Variants in RELN observed in about 807,000 individuals in gnomAD.
RELN encodes reelin.
In RELN, 108 loss-of-function variants were observed where a neutral mutation model predicts 427.6. That is an observed-to-expected ratio of 0.25 (90% confidence interval 0.22 to 0.30). RELN has a LOEUF of 0.30. Ranked by LOEUF, RELN falls within the 10% of genes least tolerant of loss-of-function variation. RELN has a pLI of 1.00. For synonymous variants in RELN, 1,524 were observed against 1,513.4 expected, an observed-to-expected ratio of 1.01 and a Z score of -0.16; for missense variants, 3,715 against 4,302.8, an observed-to-expected ratio of 0.86 and a Z score of 3.82.
rs1288621733 is a variant in RELN at position 103,495,795 on chromosome 7, C to T, written c.9297G>A (p.Lys3099=). The T allele has an allele frequency of 6.2e-7, 1 of 1,613,830 alleles. No individual in the cohort carries two copies. The highest frequency in any genetic ancestry group is 8.5e-7 in the Non-Finnish European group (1 of 1,179,958). ...AGAGAGCATTGTGAGTCTTGTCCTTCTTTTTATTTGGCCAATAGAGGTGAA... is the reference window on the plus strand; with the variant it reads ...AGAGAGCATTGTGAGTCTTGTCCTTTTTTTTATTTGGCCAATAGAGGTGAA... ...PSFHLYWPNK[K]KDKTHNALSS... The change falls in exon 57 of 65, where the codon AAG becomes AAA. Residue 3099 remains lysine, a synonymous_variant. Coordinates refer to ENST00000428762, the MANE Select transcript of RELN (RefSeq NM_005045.4).
At chr7:103,947,824 C>T (rs1341307221) in intron 1 of RELN, among the ~76,000 whole-genome samples, 1 of 152,132 alleles carries the variant, frequency 6.6e-6, no homozygotes. Context: ...TTAAATATTA[C>T]CCCTTACAAT....
rs190735898 is a variant in RELN, at chr7:103,884,018, C to G, written c.337+33057G>C. ...AGCAATGCTGGAGGTATGATACTACCTAACTTCAAAGTATACTACAGGGCT... is the reference window on the plus strand; with the variant it reads ...AGCAATGCTGGAGGTATGATACTACGTAACTTCAAAGTATACTACAGGGCT... On this transcript the variant is annotated intron_variant, in intron 2 of 64. Transcript: ENST00000428762. Among the ~76,000 whole-genome samples, 256 of 152,216 alleles carry G rather than the reference C, an allele frequency of 1.7e-3. 4 individuals are homozygous for G. The highest frequency in any genetic ancestry group is 0.01 in the Middle Eastern group (3 of 294).
At chr7:103,744,389 C>G (rs1168385501) in intron 6 of RELN, among the ~76,000 whole-genome samples, 1 of 151,862 alleles carries the variant, frequency 6.6e-6, no homozygotes, top group Non-Finnish European at 1.5e-5. Flanking sequence ...CAAAAGCTAG[C>G]AGAAGGCAAG....
intron 3 of RELN, among the ~76,000 whole-genome samples, chr7:103,815,350 C>T (rs1157951562): frequency 1.3e-5 from 2 of 152,112 alleles, no homozygotes; most frequent in African/African-American, 4.8e-5. Flanking sequence ...AATCTTTGCT[C>T]ACTGATGAGG....
At chr7:103,510,547 G>A (rs189361142) in intron 51 of RELN, among the ~76,000 whole-genome samples, 1 of 152,172 alleles carries the variant, frequency 6.6e-6, no homozygotes, top group Non-Finnish European at 1.5e-5. Flanking sequence ...GGTTTGATGG[G>A]TGCAGCAAAC....
chr7:103,777,925 T>C (rs1162919083), intron 3 of RELN, among the ~76,000 whole-genome samples: 2 of 88,556 alleles, frequency 2.3e-5, no homozygotes, highest in Non-Finnish European at 4.9e-5. Flanking sequence ...AATGGCACAA[T>C]AGTGAGAGTT....
intron 2 of RELN, among the ~76,000 whole-genome samples, chr7:103,848,361 A>G (rs779513294): frequency 6.6e-6 from 1 of 152,220 alleles, no homozygotes; most frequent in Non-Finnish European, 1.5e-5. Context: ...AGCACAGAAT[A>G]TAACCTAATT....
At position 103,867,309 on chromosome 7, in the gene RELN, A is replaced by G. The variant is rs528553553; in HGVS notation, c.338-33637T>C. Among the ~76,000 whole-genome samples the G allele has an allele frequency of 1.3e-4, 20 of 152,126 alleles. 1 individual carries two copies. The South Asian group carries it at 4.2e-3, about 32-fold the overall frequency. On this transcript the variant is annotated intron_variant, in intron 2 of 64. Coordinates refer to ENST00000428762, the MANE Select transcript of RELN (RefSeq NM_005045.4). Reference sequence around the variant, plus strand: ...ATAAACCAGACCATTTATATTTCCCAGTTTGATAATAGTTCCCCAAAATGT... The same window carrying G: ...ATAAACCAGACCATTTATATTTCCCGGTTTGATAATAGTTCCCCAAAATGT...
intron 34 of RELN, among the ~76,000 whole-genome samples, chr7:103,564,905 T>G (rs943434087): frequency 6.6e-6 from 1 of 152,094 alleles, no homozygotes; most frequent in Non-Finnish European, 1.5e-5. Flanking sequence ...TTGTTCATAC[T>G]GTGGTACTGA....
At chr7:103,610,574 C>T (rs1313384395) in intron 22 of RELN, 121 bp downstream of exon 22, 2 of 704,528 alleles carry the variant, frequency 2.8e-6, no homozygotes, top group African/African-American at 1.7e-5. Flanking sequence ...GAATAAACAT[C>T]ATGCTATTGT....
chr7:103,825,258 A>G (rs1451173778), intron 3 of RELN, among the ~76,000 whole-genome samples: 3 of 152,036 alleles, frequency 2.0e-5, no homozygotes, highest in Non-Finnish European at 4.4e-5. Context: ...AGCAAGGGGA[A>G]AGCAGGGACT....
At chr7:103,947,063 G>A (rs896179865) in intron 1 of RELN, among the ~76,000 whole-genome samples, 1 of 152,118 alleles carries the variant, frequency 6.6e-6, no homozygotes, top group Non-Finnish European at 1.5e-5. Context: ...CACCCATTCC[G>A]AGTCCTCTCA....
At chr7:103,920,578 T>G (rs12333364) in intron 1 of RELN, among the ~76,000 whole-genome samples, 4 of 106,662 alleles carry the variant, frequency 3.8e-5, no homozygotes, top group Non-Finnish European at 6.7e-5. Context: ...TTTTTTTTTT[T>G]GTTTTTTTTT....
intron 31 of RELN, among the ~76,000 whole-genome samples, chr7:103,567,297 C>A (rs1342157717): frequency 6.6e-6 from 1 of 152,194 alleles, no homozygotes; most frequent in African/African-American, 2.4e-5. Flanking sequence ...AGTGGCAAAG[C>A]AGAAAGGCTC....
Position 103,593,747 on chromosome 7 carries a change from C to G in RELN, c.3847G>C (p.Asp1283His), listed in dbSNP as rs766738853. The G allele has an allele frequency of 6.2e-7, 1 of 1,614,044 alleles. No homozygotes were observed. The highest frequency in any genetic ancestry group is 8.5e-7 in the Non-Finnish European group (1 of 1,179,932). ...CGAGTTACTGCAAATCGATCTCCAT[C>G]TGATTTTCCAAATATCATTGCTGAT... ...TPSAMIFGKS[D>H]GDRFAVTRDL... Residue 1283 changes from aspartate to histidine, a missense_variant, in exon 27 of 65, where the codon GAT becomes CAT. By Grantham distance (81) the Asp-to-His change is moderately conservative (BLOSUM62 -1). Transcript: ENST00000428762.
chr7:103,901,871 A>C (rs1795091482), intron 2 of RELN, among the ~76,000 whole-genome samples: 1 of 152,066 alleles, frequency 6.6e-6, no homozygotes, highest in South Asian at 2.1e-4. Flanking sequence ...ATTGTATACA[A>C]AATGCTAAAT....
intron 4 of RELN, among the ~76,000 whole-genome samples, chr7:103,774,280 G>T (rs1584482724): frequency 7.5e-6 from 1 of 133,828 alleles, no homozygotes. Flanking sequence ...CTGGGTGACA[G>T]AGCAAGACTT....
intron 8 of RELN, among the ~76,000 whole-genome samples, chr7:103,707,165 T>G (rs1010070867): frequency 1.3e-5 from 2 of 152,030 alleles, no homozygotes; most frequent in African/African-American, 4.8e-5. Context: ...TTTATACCCG[T>G]TTTTTCCCTT....
chr7:103,511,226 T>C (rs1829401806), intron 50 of RELN, among the ~76,000 whole-genome samples: 1 of 152,136 alleles, frequency 6.6e-6, no homozygotes, highest in Admixed American at 6.5e-5. Flanking sequence ...CACACAACCA[T>C]AGATATTAGT....
Sources: allele counts gnomAD v4.1 joint callset (sites outside exome capture counted in the v4.1 genomes callset), GRCh38; gene constraint gnomAD v4.1.1; transcripts MANE v1.5; gene names NCBI Gene and HGNC (gene_info 2026-07-23, HGNC 2026-07-21).